The following FSHR variants were observed in gnomAD, a reference collection of about 807,000 sequenced individuals.
The protein encoded by FSHR is follicle stimulating hormone receptor, also known as follicle-stimulating hormone receptor.
Under a neutral mutation model 52.1 loss-of-function variants are expected in FSHR, and 46 were observed. The observed-to-expected ratio is 0.88, with a 90% CI of 0.70 to 1.13. The LOEUF is 1.13. FSHR is among the 50% of genes most tolerant of loss of function. The pLI is 0.00. For missense variants in FSHR, 964 were observed against 834.6 expected, an observed-to-expected ratio of 1.16 and a Z score of -1.91; for synonymous variants, 399 against 309.6, an observed-to-expected ratio of 1.29 and a Z score of -3.03.
chr2:49,084,876 C>T (rs995971198), intron 1 of FSHR, among the ~76,000 whole-genome samples: 2 of 151,996 alleles, frequency 1.3e-5, no homozygotes, highest in Non-Finnish European at 2.9e-5. Context: ...CAAAAAGAGT[C>T]CAGGACCAGA....
At chr2:48,978,286 T>C (rs1217142302) in intron 8 of FSHR, among the ~76,000 whole-genome samples, 2 of 152,340 alleles carry the variant, frequency 1.3e-5, no homozygotes, top group East Asian at 1.9e-4. Flanking sequence ...AAGATGTTAT[T>C]ACAGGTCAAT....
chr2:49,153,666 C>T (rs1214009728), intron 1 of FSHR, among the ~76,000 whole-genome samples: 1 of 152,034 alleles, frequency 6.6e-6, no homozygotes, highest in Non-Finnish European at 1.5e-5. Context: ...ACATTTTTTT[C>T]CAGTTGTGTA....
At chr2:49,058,470 C>T (rs1033001614) in intron 2 of FSHR, among the ~76,000 whole-genome samples, 4 of 151,870 alleles carry the variant, frequency 2.6e-5, no homozygotes, top group Admixed American at 6.6e-5. Context: ...TCGCTGGAAC[C>T]GGGAGGCAGA....
chr2:49,089,156 A>G (rs1353365406), intron 1 of FSHR, among the ~76,000 whole-genome samples: 4 of 151,202 alleles, frequency 2.6e-5, no homozygotes. Context: ...TAATTATTTA[A>G]TCTTCGTGGT....
chr2:49,103,891 G>A (rs547020862), intron 1 of FSHR, among the ~76,000 whole-genome samples: 4 of 151,822 alleles, frequency 2.6e-5, no homozygotes, highest in African/African-American at 9.7e-5. Context: ...GCTTTGTTTG[G>A]TTTTCTTTTA....
chr2:49,028,529 A>T (rs1161238894), intron 2 of FSHR, among the ~76,000 whole-genome samples: 2 of 152,200 alleles, frequency 1.3e-5, no homozygotes, highest in Admixed American at 6.5e-5. Flanking sequence ...AATATTGGAG[A>T]TAAATATGTG....
intron 4 of FSHR, chr2:48,997,459 T>A (rs1453391473): frequency 1.1e-6 from 1 of 889,124 alleles, no homozygotes; most frequent in Non-Finnish European, 1.3e-6. Flanking sequence ...ATCCTAGATT[T>A]GCAATCAGCC....
intron 1 of FSHR, among the ~76,000 whole-genome samples, chr2:49,109,637 C>G (rs964667720): frequency 2.0e-5 from 3 of 152,166 alleles, no homozygotes; most frequent in Non-Finnish European, 4.4e-5. Context: ...GAGAGCTGGT[C>G]AAATAAAGAG....
chr2:49,133,091 C>A (rs1002285827), intron 1 of FSHR, among the ~76,000 whole-genome samples: 1 of 150,822 alleles, frequency 6.6e-6, no homozygotes, highest in Non-Finnish European at 1.5e-5. Flanking sequence ...CAGTAAAGAA[C>A]ACAGAGTTCC....
intron 1 of FSHR, among the ~76,000 whole-genome samples, chr2:49,107,554 G>C (rs1186163061): frequency 6.6e-6 from 1 of 152,042 alleles, no homozygotes; most frequent in Non-Finnish European, 1.5e-5. Context: ...CATCTATGAT[G>C]GTAAAGAGAA....
intron 1 of FSHR, among the ~76,000 whole-genome samples, chr2:49,081,707 A>G (rs1359342022): frequency 6.6e-6 from 1 of 152,198 alleles, no homozygotes; most frequent in Non-Finnish European, 1.5e-5. Flanking sequence ...TGTTTCTTAC[A>G]TGATAAATGG....
chr2:49,144,970 C>T (rs924974029), intron 1 of FSHR, among the ~76,000 whole-genome samples: 1 of 152,046 alleles, frequency 6.6e-6, no homozygotes, highest in Non-Finnish European at 1.5e-5. Flanking sequence ...AGCAAAATGT[C>T]TTAAGGTCTG....
intron 1 of FSHR, among the ~76,000 whole-genome samples, chr2:49,117,177 T>A (rs1671632459): frequency 6.6e-6 from 1 of 152,176 alleles, no homozygotes; most frequent in Non-Finnish European, 1.5e-5. Flanking sequence ...ACAAAACAAA[T>A]CACTGAGGAC....
intron 2 of FSHR, 152 bp downstream of exon 2, chr2:49,068,067 A>T: frequency 1.5e-6 from 1 of 685,720 alleles, no homozygotes; most frequent in Non-Finnish European, 2.7e-6. Flanking sequence ...TTTAGGAACC[A>T]TGGTAACACA....
chr2:49,082,953 G>C (rs375872879), intron 1 of FSHR, among the ~76,000 whole-genome samples: 3 of 151,252 alleles, frequency 2.0e-5, no homozygotes, highest in Non-Finnish European at 4.4e-5. Flanking sequence ...TTCCCCAATC[G>C]AGCAAGGCAG....
chr2:49,146,412 C>A (rs1672871411), intron 1 of FSHR, among the ~76,000 whole-genome samples: 1 of 152,046 alleles, frequency 6.6e-6, no homozygotes, highest in African/African-American at 2.4e-5. Context: ...TGCTCAGAGA[C>A]CTGTCCCCCT....
chr2:49,021,876 TATATATATATAGAGAGAGAGAG>T (rs1461882367), intron 2 of FSHR, among the ~76,000 whole-genome samples: 6,581 of 64,754 alleles, frequency 0.1, 343 homozygotes, highest in Non-Finnish European at 0.13. Context: ...TATATATATA[TATATATATATAGAGAGAGAGAG>T]AGAGAGAGAG....
chr2:48,994,647 G>C (rs1001085718), intron 4 of FSHR, among the ~76,000 whole-genome samples: 1 of 152,012 alleles, frequency 6.6e-6, no homozygotes. Context: ...GAGGCTGGAA[G>C]TGGGTAATCA....
chr2:49,127,898 C>CTTCTTCTTCTTCCTT (rs1558457105), intron 1 of FSHR, among the ~76,000 whole-genome samples: 1 of 27,258 alleles, frequency 3.7e-5, no homozygotes, highest in Non-Finnish European at 6.3e-5. Context: ...TCTTCTTCTT[C>CTTCTTCTTCTTCCTT]TTTTTTTTTT....
Sources: gnomAD v4.1 joint callset for allele counts (sites outside exome capture counted in the v4.1 genomes callset) on GRCh38, gnomAD v4.1.1 for gene constraint, MANE v1.5 for transcripts, NCBI Gene and HGNC (gene_info 2026-07-23, HGNC 2026-07-21) for gene names.